The following PER2 variants were observed in gnomAD, a reference collection of about 807,000 sequenced individuals.
PER2 encodes period circadian regulator 2, also known as period circadian protein homolog 2.
A neutral mutation model predicts 121.0 loss-of-function variants in PER2; 66 were observed. That is an observed-to-expected ratio of 0.55 (90% CI 0.45 to 0.67). The LOEUF (loss-of-function observed/expected upper bound fraction) is 0.67. PER2 is among the 30% of genes least tolerant of loss of function. The pLI, the probability that PER2 is intolerant of heterozygous loss-of-function variation, is 0.00. For synonymous variants in PER2, 684 were observed against 659.9 expected (o/e 1.04, Z -0.56); for missense variants, 1,521 against 1,635.0 (o/e 0.93, Z 1.20).
intron 1 of PER2, among the ~76,000 whole-genome samples, chr2:238,287,944 T>A (rs1696837288): frequency 6.6e-6 from 1 of 152,144 alleles, no homozygotes; most frequent in Admixed American, 6.5e-5. Flanking sequence ...CATTCCCTTC[T>A]ATCCAGTCCG....
chr2:238,286,176 G>C (rs1696776620), intron 1 of PER2, among the ~76,000 whole-genome samples: 1 of 152,192 alleles, frequency 6.6e-6, no homozygotes, highest in African/African-American at 2.4e-5. Context: ...CTCCCCGGTG[G>C]TCAGGGACTG....
At chr2:238,288,743 G>C (rs1368345269), upstream of PER2, 1 of 152,444 alleles carries the variant, frequency 6.6e-6, no homozygotes, top group Non-Finnish European at 1.5e-5. Context: ...ACAGCTGCAC[G>C]TATCCCCTCA....
rs1411436880 is a variant in PER2 at position 238,252,408 on chromosome 2, C to T, written c.3111+504G>A. Among the ~76,000 whole-genome samples, 1 of 152,264 alleles carries T rather than the reference C, an allele frequency of 6.6e-6. No individual in the cohort carries two copies. Among genetic ancestry groups the T allele is most frequent in the Non-Finnish European group, 1.5e-5 (1 of 68,048 alleles). ...AAACACAAGCGTTTAACTGCAAATACAACTACCGTTTCATTAACTGGTTAA... is the reference window on the plus strand; with the variant it reads ...AAACACAAGCGTTTAACTGCAAATATAACTACCGTTTCATTAACTGGTTAA... On this transcript the variant is annotated intron_variant, in intron 19 of 22. Transcript: ENST00000254657. The surrounding 1 kb of genome is among the most constrained non-coding windows in gnomAD (Gnocchi z 4.2).
intron 17 of PER2, among the ~76,000 whole-genome samples, chr2:238,256,622 C>G (rs1482251377): frequency 1.3e-5 from 2 of 152,192 alleles, no homozygotes; most frequent in Non-Finnish European, 1.5e-5. Flanking sequence ...GCTCCCAGTG[C>G]TCTCCGCACC....
At position 238,268,108 on chromosome 2, in the gene PER2, C is replaced by T; in HGVS notation, c.915G>A (p.Glu305=). ...LVKVRDQQGA[E]SQLCCLLLAE... is the part of the protein sequence containing the mutation. ...CCAGCAGAAGGCAGCAAAGCTGACTCTCAGCACCTTGTTGGTCCCGCACCT... is the reference window on the plus strand; with the variant it reads ...CCAGCAGAAGGCAGCAAAGCTGACTTTCAGCACCTTGTTGGTCCCGCACCT... The change falls in exon 8 of 23, where the codon GAG becomes GAA. Residue 305 remains glutamate, a synonymous_variant. Coordinates refer to ENST00000254657, the MANE Select transcript of PER2 (RefSeq NM_022817.3). The surrounding 1 kb of genome is among the most constrained non-coding windows in gnomAD (Gnocchi z 4.0). 6.2e-7 allele frequency: 1 copy of T among 1,614,190 alleles called. No individual in the cohort carries two copies. The highest frequency in any genetic ancestry group is 1.1e-5 in the South Asian group (1 of 91,090).
At chr2:238,284,441 C>CAAA (rs199867354) in intron 1 of PER2, among the ~76,000 whole-genome samples, 60 of 83,130 alleles carry the variant, frequency 7.2e-4, no homozygotes, top group Admixed American at 1.6e-3. Context: ...GACTCTATCT[C>CAAA]AAAAAAAAAA....
At chr2:238,271,054 C>T (rs1696267828) in intron 6 of PER2, among the ~76,000 whole-genome samples, 2 of 152,232 alleles carry the variant, frequency 1.3e-5, no homozygotes, top group Non-Finnish European at 2.9e-5. Context: ...TCCAGCTTTT[C>T]CAAACAACTT....
At chr2:238,285,029 T>TGGGGGGG (rs1696741515) in intron 1 of PER2, among the ~76,000 whole-genome samples, 1 of 37,516 alleles carries the variant, frequency 2.7e-5, no homozygotes. Context: ...GGAGGGAGGG[T>TGGGGGGG]GGGCATGCAC....
rs761669094 is a variant in PER2, at chr2:238,260,867, G to A, written c.1503C>T (p.Ser501=). The A allele has an allele frequency of 2.5e-6, 4 of 1,613,994 alleles. No homozygotes were observed. The highest frequency in any genetic ancestry group is 3.3e-5 in the Admixed American group (2 of 60,030). ...GTGAGTCCTCATGGCCGTTGCTGTC[G>A]CTGGAGGAGGTCTGGCTCATAAGGT... ...HEHLMSQTSS[S]DSNGHEDSRR... Residue 501 remains serine, a synonymous_variant, in exon 13 of 23, where the codon AGC becomes AGT. Coordinates refer to ENST00000254657, the MANE Select transcript of PER2 (RefSeq NM_022817.3).
Position 238,252,533 on chromosome 2 carries a change from C to A in PER2, c.3111+379G>T, listed in dbSNP as rs1695634884. Among the ~76,000 whole-genome samples the A allele has an allele frequency of 6.6e-6, 1 of 152,234 alleles. No homozygotes were observed. The highest frequency in any genetic ancestry group is 1.5e-5 in the Non-Finnish European group (1 of 68,036). ...TCCTTCTCCGCCTTCACCGGGGCCACCTGAGCCAGGCTCCGGCGCCACACC... is the reference window on the plus strand; with the variant it reads ...TCCTTCTCCGCCTTCACCGGGGCCAACTGAGCCAGGCTCCGGCGCCACACC... On this transcript the variant is annotated intron_variant, in intron 19 of 22. Coordinates refer to ENST00000254657, the MANE Select transcript of PER2 (RefSeq NM_022817.3). The surrounding 1 kb of genome is among the most constrained non-coding windows in gnomAD (Gnocchi z 4.2).
chr2:238,277,786 G>C lies in PER2; in HGVS notation c.151C>G (p.Arg51Gly). The C allele has an allele frequency of 6.2e-7, 1 of 1,614,072 alleles. No individual in the cohort carries two copies. Among genetic ancestry groups the C allele is most frequent in the Admixed American group, 1.7e-5 (1 of 60,010 alleles). Residue 51 changes from arginine to glycine, a missense_variant, in exon 2 of 23, where the codon CGG becomes GGG. Coordinates refer to ENST00000254657, the MANE Select transcript of PER2 (RefSeq NM_022817.3). ...HETNENCSTG[R>G]DSQGSDCDDS... ...TCACAGTCACTGCCCTGCGAGTCCC[G>C]CCCCGTGGAGCAGTTTTCGTTGGTC...
intron 18 of PER2, chr2:238,255,231 T>C (rs377619181): frequency 3.4e-6 from 1 of 294,086 alleles, no homozygotes; most frequent in East Asian, 9.6e-5. Flanking sequence ...GGAGGGTGCA[T>C]CTCCTGGGGA....
At chr2:238,285,909 G>A (rs1346043439) in intron 1 of PER2, among the ~76,000 whole-genome samples, 1 of 150,512 alleles carries the variant, frequency 6.6e-6, no homozygotes, top group Non-Finnish European at 1.5e-5. Flanking sequence ...CCAACTCCCT[G>A]AGGCCAGCCT....
Position 238,279,109 on chromosome 2 carries a change from C to T in PER2, c.-19-1154G>A, listed in dbSNP as rs534662232. ...CAGGTGAGAGGCCAAAATGCCATCC[C>T]GGGTCCTCCCTTCTTCACCCAGTGA... is the stretch of plus-strand genomic sequence containing the variant. On this transcript the variant is annotated intron_variant, in intron 1 of 22. Coordinates refer to ENST00000254657, the MANE Select transcript of PER2 (RefSeq NM_022817.3). Among the ~76,000 whole-genome samples, 6 of 152,210 alleles carry T rather than the reference C, an allele frequency of 3.9e-5. No homozygotes were observed. The South Asian group carries it at 8.3e-4, about 21-fold the overall frequency.
chr2:238,290,188 T>G (rs1373495346), upstream of PER2: 1 of 152,226 alleles, frequency 6.6e-6, no homozygotes, highest in Non-Finnish European at 1.5e-5. Flanking sequence ...GGGGCAGCCC[T>G]TCCCACAGAA....
intron 1 of PER2, among the ~76,000 whole-genome samples, chr2:238,278,695 A>G (rs947306033): frequency 1.1e-4 from 17 of 152,146 alleles, no homozygotes; most frequent in Non-Finnish European, 2.9e-5. Flanking sequence ...CAGGAGGAGG[A>G]GCCAAGGCTA....
chr2:238,283,288 T>C (rs1293961118), intron 1 of PER2, among the ~76,000 whole-genome samples: 1 of 152,264 alleles, frequency 6.6e-6, no homozygotes, highest in Non-Finnish European at 1.5e-5. Flanking sequence ...TGGATGTCTC[T>C]GTAAGGCAGA....
Position 238,252,921 on chromosome 2 carries a change from C to G in PER2, c.3102G>C (p.Ala1034=). The part of the protein sequence containing the change: ...PGTSRDQQPK[A]PLTRDEPSDT... ...ATCAGAAAATCCTTACGGTCAGAGG[C>G]GCCTTCGGCTGCTGGTCCCGAGAAG... The change falls in exon 19 of 23, where the codon GCG becomes GCC. Residue 1034 remains alanine (A), a synonymous_variant. Coordinates refer to ENST00000254657, the MANE Select transcript of PER2 (RefSeq NM_022817.3). The surrounding 1 kb of genome is among the most constrained non-coding windows in gnomAD (Gnocchi z 4.2). 6.2e-7 allele frequency: 1 copy of G among 1,613,234 alleles called. No homozygotes were observed. Among genetic ancestry groups the G allele is most frequent in the Non-Finnish European group, 8.5e-7 (1 of 1,179,940 alleles).
At chr2:238,278,092 C>G in intron 1 of PER2, 137 bp from the exon 2 acceptor site, 1 of 968,798 alleles carries the variant, frequency 1.0e-6, no homozygotes, top group Admixed American at 2.0e-5. Flanking sequence ...CTCTGTCTCT[C>G]TCTCTCTCTC....
Sources: allele counts gnomAD v4.1 joint callset (sites outside exome capture counted in the v4.1 genomes callset), GRCh38; gene constraint gnomAD v4.1.1; non-coding constraint Gnocchi (gnomAD v3.1); transcripts MANE v1.5; gene names NCBI Gene and HGNC (gene_info 2026-07-23, HGNC 2026-07-21).